The following ZDHHC3 variants were observed in gnomAD, a reference collection of about 807,000 sequenced individuals.
ZDHHC3 encodes zDHHC palmitoyltransferase 3.
In ZDHHC3, 9 loss-of-function variants were observed where a neutral mutation model predicts 30.6. That is an observed-to-expected ratio of 0.29 (90% CI 0.18 to 0.51). The LOEUF is 0.51. ZDHHC3 is among the 20% of genes least tolerant of loss of function. The pLI, the probability that ZDHHC3 is intolerant of heterozygous loss-of-function variation, is 0.97. For missense variants in ZDHHC3, 246 were observed against 384.2 expected (o/e 0.64, Z 3.01); for synonymous variants, 136 against 140.2 (o/e 0.97, Z 0.21).
intron 2 of ZDHHC3, among the ~76,000 whole-genome samples, chr3:44,956,454 A>G (rs1311388399): frequency 6.6e-6 from 1 of 152,156 alleles, no homozygotes; most frequent in African/African-American, 2.4e-5. Flanking sequence ...ATACTCTCCA[A>G]TCTCTCTCCA....
chr3:44,918,725 T>G lies in ZDHHC3; in HGVS notation c.*7964A>C, dbSNP rs1575744226. 2.0e-6 allele frequency: 2 copies of G among 991,376 alleles called. No individual in the cohort carries two copies. The highest frequency in any genetic ancestry group is 1.2e-6 in the Non-Finnish European group (1 of 832,854). 61.4% of individuals were successfully genotyped at this position (991,376 alleles called of 1,614,324 possible). On this transcript the variant is annotated 3_prime_UTR_variant, in exon 7 of 7. Coordinates refer to ENST00000424952, the MANE Select transcript of ZDHHC3 (RefSeq NM_001135179.2). ...GGCACACAGGACCACTGTGGGGAGGTAAGGCTGGGCTCAGGCCTGCTCATG... is the reference window on the plus strand; with the variant it reads ...GGCACACAGGACCACTGTGGGGAGGGAAGGCTGGGCTCAGGCCTGCTCATG...
At chr3:44,966,461 G>A (rs570929944) in intron 1 of ZDHHC3, among the ~76,000 whole-genome samples, 2 of 152,160 alleles carry the variant, frequency 1.3e-5, no homozygotes, top group African/African-American at 4.8e-5. Flanking sequence ...ACTGAAAGAG[G>A]GTAGCATCTT....
rs549975325 is a variant in ZDHHC3, at chr3:44,921,233, G to A, written c.*5456C>T. ...TATTAGGACTAAGGCTCCCGAGGAA[G>A]GAAGAGTCTGTGCAGAACAGACTCA... On this transcript the variant is annotated 3_prime_UTR_variant, in exon 7 of 7. Transcript: ENST00000424952. 1.4e-5 allele frequency: 13 copies of A among 936,870 alleles called. No individual in the cohort carries two copies. The African/African-American group carries it at 3.1e-4, about 22-fold the overall frequency. 58.0% of individuals were successfully genotyped at this position (936,870 alleles called of 1,614,324 possible).
At chr3:44,973,060 G>A (rs1170926935) in intron 1 of ZDHHC3, among the ~76,000 whole-genome samples, 1 of 152,146 alleles carries the variant, frequency 6.6e-6, no homozygotes, top group Non-Finnish European at 1.5e-5. Flanking sequence ...AACAGACACA[G>A]CAACATCCCA....
Position 44,922,798 on chromosome 3 carries a change from G to GTGATGC in ZDHHC3, c.*3885_*3890dup. ...ATGTGCATTTCTAACAAGTTCTCAG[G>GTGATGC]TGATGCTGATGTTGACGTTGCTGGT... On this transcript the variant is annotated 3_prime_UTR_variant, in exon 7 of 7. Coordinates refer to ENST00000424952, the MANE Select transcript of ZDHHC3 (RefSeq NM_001135179.2). 1 of 985,258 alleles carries GTGATGC rather than the reference G, an allele frequency of 1.0e-6. No homozygotes were observed. Among genetic ancestry groups the GTGATGC allele is most frequent in the Non-Finnish European group, 1.2e-6 (1 of 829,790 alleles). 61.0% of individuals were successfully genotyped at this position (985,258 alleles called of 1,614,324 possible). A position where few individuals can be genotyped will look rare whatever the true frequency, so the allele number is the denominator to read the frequency against.
In ZDHHC3 at chr3:44,959,118, C is replaced by T; in HGVS notation, c.306+13G>A. On this transcript the variant is annotated intron_variant, in intron 2 of 6. Transcript: ENST00000424952. The surrounding 1 kb of genome is among the most constrained non-coding windows in gnomAD (Gnocchi z 4.3). ...GAGTGTGGGCTGGTCAAAACAAGCC[C>T]AGACATACTCACGGGGTCCGTCAGC... 6.2e-7 allele frequency: 1 copy of T among 1,613,696 alleles called. No individual in the cohort carries two copies. Among genetic ancestry groups the T allele is most frequent in the Non-Finnish European group, 8.5e-7 (1 of 1,179,750 alleles).
chr3:44,968,417 T>C (rs77942927), intron 1 of ZDHHC3, among the ~76,000 whole-genome samples: 376 of 152,192 alleles, frequency 2.5e-3, no homozygotes, highest in African/African-American at 7.2e-3. Context: ...TAAAAACAAG[T>C]CTGGGCATGG....
At position 44,959,493 on chromosome 3, in the gene ZDHHC3, GTGT is replaced by G; in HGVS notation, c.-24-36_-24-34del. On this transcript the variant is annotated intron_variant, in intron 1 of 6. Transcript: ENST00000424952. The surrounding 1 kb of genome is among the most constrained non-coding windows in gnomAD (Gnocchi z 4.3). ...AGAGAGGAAAGAATCCAGAAACTTGGTGTTGTCTTGTCATCAAGGAGGTTTGAC... is the reference window on the plus strand; with the variant it reads ...AGAGAGGAAAGAATCCAGAAACTTGGTGTCTTGTCATCAAGGAGGTTTGAC... The G allele has an allele frequency of 6.4e-7, 1 of 1,563,472 alleles. No individual in the cohort carries two copies. Among genetic ancestry groups the G allele is most frequent in the Non-Finnish European group, 8.7e-7 (1 of 1,151,126 alleles).
chr3:44,961,645 T>G (rs2125914599), intron 1 of ZDHHC3, among the ~76,000 whole-genome samples: 1 of 152,230 alleles, frequency 6.6e-6, no homozygotes, highest in East Asian at 1.9e-4. Context: ...AATTACAAAC[T>G]CTGTTCAAGG....
At position 44,920,740 on chromosome 3, in the gene ZDHHC3, G is replaced by A; in HGVS notation, c.*5949C>T. On this transcript the variant is annotated 3_prime_UTR_variant, in exon 7 of 7. Transcript: ENST00000424952. ...CACAGGATGATTATTTGCCATTCAT[G>A]TGGCATGCTCCCAGATAGGCACTCT... 1.0e-6 allele frequency: 1 copy of A among 985,372 alleles called. No homozygotes were observed. The highest frequency in any genetic ancestry group is 1.7e-5 in the African/African-American group (1 of 57,330). 61.0% of individuals were successfully genotyped at this position (985,372 alleles called of 1,614,324 possible).
chr3:44,956,894 G>T (rs1424491762), intron 2 of ZDHHC3, among the ~76,000 whole-genome samples: 1 of 152,114 alleles, frequency 6.6e-6, no homozygotes, highest in African/African-American at 2.4e-5. Context: ...AGGCCTACCA[G>T]GCCCTGCACA....
rs1043306893 is a variant in ZDHHC3, at chr3:44,921,317, A to G, written c.*5372T>C. On this transcript the variant is annotated 3_prime_UTR_variant, in exon 7 of 7. Transcript: ENST00000424952. ...CTGCTCCCTGTATCATCAGATGTAG[A>G]AAGCCAGAGCCTCAGGGAGCAGCCT... 2 of 985,258 alleles carry G rather than the reference A, an allele frequency of 2.0e-6. No homozygotes were observed. The highest frequency in any genetic ancestry group is 3.5e-5 in the African/African-American group (2 of 57,238). The allele number at this position is 985,258 out of a possible 1,614,324, so 61.0% of individuals were successfully genotyped here.
intron 1 of ZDHHC3, among the ~76,000 whole-genome samples, chr3:44,970,736 C>T (rs978440407): frequency 5.3e-5 from 8 of 152,186 alleles, no homozygotes; most frequent in East Asian, 1.9e-4. Flanking sequence ...CATAAAATTA[C>T]GACTTCCTTT....
chr3:44,962,354 T>C (rs955406471), intron 1 of ZDHHC3, among the ~76,000 whole-genome samples: 1 of 152,202 alleles, frequency 6.6e-6, no homozygotes, highest in South Asian at 2.1e-4. Context: ...ACAAGAGTTA[T>C]GTTTCATGTG....
intron 2 of ZDHHC3, among the ~76,000 whole-genome samples, chr3:44,950,418 A>T (rs2125883694): frequency 6.6e-6 from 1 of 152,312 alleles, no homozygotes; most frequent in Middle Eastern, 3.4e-3. Flanking sequence ...GAAACCTCTA[A>T]CCCATAAAAG....
chr3:44,959,248 G>C lies in ZDHHC3; in HGVS notation c.189C>G (p.Leu63=). The C allele has an allele frequency of 6.2e-7, 1 of 1,614,262 alleles. No homozygotes were observed. Among genetic ancestry groups the C allele is most frequent in the Non-Finnish European group, 8.5e-7 (1 of 1,180,052 alleles). ...FLVLYAEFVV[L]FVMLIPSRDY... The stretch of plus-strand genomic sequence containing the variant: ...CTCGAGATGGAATCAGCATGACAAA[G>C]AGGACCACGAACTCCGCATAGAGGA... Residue 63 remains leucine, a synonymous_variant, in exon 2 of 7, where the codon CTC becomes CTG. Transcript: ENST00000424952. The surrounding 1 kb of genome is among the most constrained non-coding windows in gnomAD (Gnocchi z 4.3).
At chr3:44,931,117 T>C (rs534367038) in intron 5 of ZDHHC3, among the ~76,000 whole-genome samples, 1 of 152,324 alleles carries the variant, frequency 6.6e-6, no homozygotes, top group South Asian at 2.1e-4. Context: ...ACAACCAGCC[T>C]TGGGACAGTG....
At chr3:44,938,907 T>C (rs1374630310) in intron 3 of ZDHHC3, among the ~76,000 whole-genome samples, 1 of 152,248 alleles carries the variant, frequency 6.6e-6, no homozygotes, top group Non-Finnish European at 1.5e-5. Context: ...TTGGTGGCAA[T>C]GCAGACCTGA....
At position 44,925,933 on chromosome 3, in the gene ZDHHC3, CTT is replaced by C. The variant is rs1402019229; in HGVS notation, c.*754_*755del. On this transcript the variant is annotated 3_prime_UTR_variant, in exon 7 of 7. Transcript: ENST00000424952. Reference sequence around the variant, plus strand: ...CTGAAATTGTGTAATTTTTTTTCCTCTTGATTGTATAAGGCATTTTGAACTGG... The same window carrying C: ...CTGAAATTGTGTAATTTTTTTTCCTCGATTGTATAAGGCATTTTGAACTGG... 3.8e-5 allele frequency: 37 copies of C among 985,604 alleles called. No individual in the cohort carries two copies. Among genetic ancestry groups the C allele is most frequent in the Non-Finnish European group, 4.3e-5 (36 of 829,914 alleles). The allele number at this position is 985,604 out of a possible 1,614,324, so 61.1% of individuals were successfully genotyped here.
Sources: gnomAD v4.1 joint callset for allele counts (sites outside exome capture counted in the v4.1 genomes callset) on GRCh38, gnomAD v4.1.1 for gene constraint, Gnocchi (gnomAD v3.1) non-coding constraint, MANE v1.5 for transcripts, NCBI Gene and HGNC (gene_info 2026-07-23, HGNC 2026-07-21) for gene names.